The following BRINP3 variants were observed in gnomAD, a reference collection of about 807,000 sequenced individuals.
BRINP3 encodes BMP/retinoic acid inducible neural specific 3, also known as BMP/retinoic acid-inducible neural-specific protein 3.
In BRINP3, 19 loss-of-function variants were observed where a neutral mutation model predicts 71.0. The ratio of observed to expected loss-of-function variants is 0.27; its 90% CI spans 0.19 to 0.39. BRINP3 has a LOEUF of 0.39. Among genes scored for constraint, BRINP3 ranks in the 10% least tolerant of loss-of-function variants. The probability of loss-of-function intolerance (pLI) is 1.00; values close to 1 mark genes in which losing one functional copy is unlikely to be tolerated. For synonymous variants in BRINP3, 380 were observed against 337.7 expected (o/e 1.13, Z -1.37); for missense variants, 959 against 940.8 (o/e 1.02, Z -0.25).
At chr1:190,457,821 C>T (rs1401641696) in intron 1 of BRINP3, among the ~76,000 whole-genome samples, 1 of 151,754 alleles carries the variant, frequency 6.6e-6, no homozygotes, top group Non-Finnish European at 1.5e-5. Context: ...TTCTACAATT[C>T]TGTAATTTTT....
At chr1:190,464,145 T>TAA (rs1310704664) in intron 1 of BRINP3, among the ~76,000 whole-genome samples, 1 of 151,030 alleles carries the variant, frequency 6.6e-6, no homozygotes, top group African/African-American at 2.4e-5. Flanking sequence ...GTGTTTTTTT[T>TAA]TAAAAAAAAA....
intron 2 of BRINP3, among the ~76,000 whole-genome samples, chr1:190,344,449 T>A (rs150825991): frequency 3.2e-4 from 41 of 130,016 alleles, no homozygotes; most frequent in African/African-American, 1.0e-3. Flanking sequence ...CAGTACCCTC[T>A]CAAAACTTTT....
chr1:190,309,165 A>T (rs1254174695), intron 2 of BRINP3, among the ~76,000 whole-genome samples: 1 of 146,556 alleles, frequency 6.8e-6, no homozygotes, highest in African/African-American at 2.5e-5. Flanking sequence ...TGAGGACATT[A>T]TGCTAAGTGT....
intron 7 of BRINP3, among the ~76,000 whole-genome samples, chr1:190,130,633 C>T (rs1367067479): frequency 2.0e-5 from 3 of 151,920 alleles, no homozygotes; most frequent in Non-Finnish European, 2.9e-5. Flanking sequence ...TTCTAAAGAA[C>T]GGTAAGTATT....
intron 6 of BRINP3, among the ~76,000 whole-genome samples, chr1:190,196,602 T>C (rs1430635940): frequency 6.6e-6 from 1 of 152,034 alleles, no homozygotes; most frequent in African/African-American, 2.4e-5. Context: ...GGAACTCAGG[T>C]ACTTTGGTCA....
chr1:190,109,898 C>A (rs1449145476), intron 7 of BRINP3, among the ~76,000 whole-genome samples: 3 of 152,246 alleles, frequency 2.0e-5, no homozygotes, highest in Admixed American at 6.5e-5. Flanking sequence ...CAGATTTGGA[C>A]TGATCCTCAT....
At chr1:190,230,950 A>G (rs1273660663) in intron 5 of BRINP3, among the ~76,000 whole-genome samples, 1 of 151,506 alleles carries the variant, frequency 6.6e-6, no homozygotes, top group Non-Finnish European at 1.5e-5. Flanking sequence ...AAATATGTAT[A>G]CATATATTTA....
intron 3 of BRINP3, among the ~76,000 whole-genome samples, chr1:190,274,162 G>A (rs1176971713): frequency 1.3e-5 from 2 of 151,424 alleles, no homozygotes; most frequent in Non-Finnish European, 3.0e-5. Flanking sequence ...AAGACACATA[G>A]ATCAGAATCA....
chr1:190,389,031 A>G (rs901271443), intron 2 of BRINP3, among the ~76,000 whole-genome samples: 3 of 151,774 alleles, frequency 2.0e-5, no homozygotes, highest in Non-Finnish European at 2.9e-5. Context: ...AATAAAGGTA[A>G]AGTATGAAGT....
chr1:190,408,161 A>G (rs1672417699), intron 2 of BRINP3, among the ~76,000 whole-genome samples: 1 of 150,490 alleles, frequency 6.6e-6, no homozygotes. Flanking sequence ...AGCTGGGACT[A>G]CAGGCGCCCG....
At chr1:190,440,178 A>G (rs1029942673) in intron 2 of BRINP3, among the ~76,000 whole-genome samples, 1 of 152,022 alleles carries the variant, frequency 6.6e-6, no homozygotes, top group Non-Finnish European at 1.5e-5. Flanking sequence ...AAGGAAATCC[A>G]ACAATGGAAA....
At chr1:190,369,187 A>G (rs547955973) in intron 2 of BRINP3, among the ~76,000 whole-genome samples, 3 of 152,280 alleles carry the variant, frequency 2.0e-5, no homozygotes, top group South Asian at 4.1e-4. Context: ...TGTTTAATAT[A>G]CTGAGATTAA....
At chr1:190,105,155 T>G (rs193213184) in intron 7 of BRINP3, among the ~76,000 whole-genome samples, 9 of 152,178 alleles carry the variant, frequency 5.9e-5, no homozygotes, top group Middle Eastern at 3.4e-3. Flanking sequence ...ATCTCAGTTT[T>G]GGCAGCGTTG....
intron 2 of BRINP3, among the ~76,000 whole-genome samples, chr1:190,324,647 A>G (rs1388637913): frequency 1.3e-5 from 2 of 151,960 alleles, no homozygotes; most frequent in African/African-American, 2.4e-5. Context: ...TTTTATTAAT[A>G]ATGATTACTG....
intron 6 of BRINP3, among the ~76,000 whole-genome samples, chr1:190,168,794 G>A (rs1651774319): frequency 6.6e-6 from 1 of 152,122 alleles, no homozygotes; most frequent in Non-Finnish European, 1.5e-5. Context: ...CTTCAACATA[G>A]AGTCATTCTA....
chr1:190,303,310 G>T (rs911075034), intron 2 of BRINP3, among the ~76,000 whole-genome samples: 6 of 151,626 alleles, frequency 4.0e-5, no homozygotes, highest in Non-Finnish European at 5.9e-5. Flanking sequence ...TTATAGAAAA[G>T]AAATAATTCA....
chr1:190,359,004 C>T (rs1041200738), intron 2 of BRINP3, among the ~76,000 whole-genome samples: 16 of 151,748 alleles, frequency 1.1e-4, no homozygotes, highest in South Asian at 2.1e-4. Flanking sequence ...CACACCAGCT[C>T]CTGTTGTGGG....
chr1:190,206,172 C>T (rs1655482607), intron 6 of BRINP3, among the ~76,000 whole-genome samples: 1 of 151,832 alleles, frequency 6.6e-6, no homozygotes, highest in South Asian at 2.1e-4. Context: ...TTAAATGTAA[C>T]AACACAGACT....
chr1:190,102,456 T>G (rs991131449), intron 7 of BRINP3, among the ~76,000 whole-genome samples: 7 of 152,170 alleles, frequency 4.6e-5, no homozygotes, highest in Admixed American at 2.0e-4. Context: ...GTATACACAT[T>G]GGTTAGACAC....
Sources: gnomAD v4.1 joint callset for allele counts (sites outside exome capture counted in the v4.1 genomes callset) on GRCh38, gnomAD v4.1.1 for gene constraint, MANE v1.5 for transcripts, NCBI Gene and HGNC (gene_info 2026-07-23, HGNC 2026-07-21) for gene names.